The following OPCML variants were observed in gnomAD, a reference collection of about 807,000 sequenced individuals.
The protein encoded by OPCML is opioid-binding protein/cell adhesion molecule.
A neutral mutation model predicts 37.8 loss-of-function variants in OPCML; 13 were observed. The observed-to-expected ratio is 0.34, with a 90% CI of 0.22 to 0.55. OPCML has a LOEUF of 0.55. Ranked by LOEUF, OPCML falls within the 20% of genes least tolerant of loss-of-function variation. OPCML has a pLI of 0.91. For missense variants in OPCML, 341 were observed against 435.6 expected, an observed-to-expected ratio of 0.78 and a Z score of 1.93; for synonymous variants, 176 against 168.8, an observed-to-expected ratio of 1.04 and a Z score of -0.33.
intron 2 of OPCML, among the ~76,000 whole-genome samples, chr11:132,710,916 G>A (rs1179944795): frequency 6.6e-6 from 1 of 152,046 alleles, no homozygotes; most frequent in Non-Finnish European, 1.5e-5. Context: ...AGAGATGAGA[G>A]AGGGTAAGGG....
intron 1 of OPCML, among the ~76,000 whole-genome samples, chr11:133,259,213 T>C (rs1326974772): frequency 3.9e-5 from 6 of 152,212 alleles, no homozygotes; most frequent in African/African-American, 1.4e-4. Flanking sequence ...TTGTTTTGTT[T>C]TTATAAATAA....
chr11:133,241,381 T>A (rs1307146178), intron 1 of OPCML, among the ~76,000 whole-genome samples: 4 of 152,188 alleles, frequency 2.6e-5, no homozygotes, highest in African/African-American at 9.7e-5. Flanking sequence ...ATTCCTAAGA[T>A]CCTTCACACA....
chr11:133,450,966 G>GC (rs1351642357), intron 1 of OPCML, among the ~76,000 whole-genome samples: 1 of 151,664 alleles, frequency 6.6e-6, no homozygotes, highest in Non-Finnish European at 1.5e-5. Flanking sequence ...TAAAGTATAT[G>GC]CATTAAACAT....
chr11:133,419,431 C>T (rs529113534), intron 1 of OPCML: 3 of 625,740 alleles, frequency 4.8e-6, no homozygotes, highest in African/African-American at 4.0e-5. Flanking sequence ...TTACTAAATA[C>T]AACCACTAAT....
At chr11:132,560,684 A>T (rs185897706) in intron 3 of OPCML, among the ~76,000 whole-genome samples, 214 of 152,274 alleles carry the variant, frequency 1.4e-3, no homozygotes, top group African/African-American at 5.0e-3. Flanking sequence ...ATCGTTAGTG[A>T]CGTGGAGCAT....
At chr11:133,466,720 A>G (rs980660482) in intron 1 of OPCML, among the ~76,000 whole-genome samples, 6 of 152,244 alleles carry the variant, frequency 3.9e-5, no homozygotes, top group Non-Finnish European at 7.3e-5. Context: ...ATAAATTTCA[A>G]TGATAATATA....
intron 4 of OPCML, among the ~76,000 whole-genome samples, chr11:132,465,137 G>A (rs1386527097): frequency 9.9e-5 from 15 of 152,022 alleles, no homozygotes; most frequent in Admixed American, 9.8e-4. Flanking sequence ...GCTCCCCCTT[G>A]TGACAGGCAT....
intron 4 of OPCML, among the ~76,000 whole-genome samples, chr11:132,501,740 G>A (rs535985533): frequency 6.6e-6 from 1 of 152,286 alleles, no homozygotes; most frequent in Middle Eastern, 3.4e-3. Context: ...AATAGGTAAC[G>A]TGTTTCATGA....
intron 4 of OPCML, among the ~76,000 whole-genome samples, chr11:132,517,893 G>A (rs2096283612): frequency 6.6e-6 from 1 of 151,646 alleles, no homozygotes; most frequent in African/African-American, 2.4e-5. Context: ...TTCTAGGTGG[G>A]GAAATAGACA....
At chr11:133,415,838 G>A (rs954601517) in intron 1 of OPCML, among the ~76,000 whole-genome samples, 61 of 152,152 alleles carry the variant, frequency 4.0e-4, no homozygotes, top group African/African-American at 1.2e-3. Flanking sequence ...CCCGTGATAC[G>A]GAAGTCCATA....
chr11:133,498,409 AG>A (rs1947830983), intron 1 of OPCML, among the ~76,000 whole-genome samples: 1 of 152,228 alleles, frequency 6.6e-6, no homozygotes, highest in African/African-American at 2.4e-5. Context: ...AGGCAGTGAA[AG>A]GACACAGACG....
chr11:132,678,993 T>C (rs1037719747), intron 2 of OPCML, among the ~76,000 whole-genome samples: 2 of 152,136 alleles, frequency 1.3e-5, no homozygotes, highest in Admixed American at 1.3e-4. Flanking sequence ...GTGGGGACTC[T>C]GTATATTTCT....
At chr11:132,759,962 G>A (rs1488609072) in intron 2 of OPCML, among the ~76,000 whole-genome samples, 1 of 152,174 alleles carries the variant, frequency 6.6e-6, no homozygotes, top group East Asian at 1.9e-4. Flanking sequence ...TCTAAACACT[G>A]CTTTAGCTGT....
intron 3 of OPCML, among the ~76,000 whole-genome samples, chr11:132,597,544 AC>A (rs1177296097): frequency 6.6e-6 from 1 of 152,180 alleles, no homozygotes; most frequent in Non-Finnish European, 1.5e-5. Context: ...TTCAGTCAGG[AC>A]TTCGATCTCC....
intron 1 of OPCML, among the ~76,000 whole-genome samples, chr11:133,530,054 T>A (rs576844959): frequency 2.0e-4 from 30 of 152,242 alleles, no homozygotes; most frequent in Admixed American, 6.5e-4. Context: ...CATGTTGCAG[T>A]GATGTCCACA....
At chr11:132,837,447 C>T (rs1941081652) in intron 2 of OPCML, among the ~76,000 whole-genome samples, 1 of 152,156 alleles carries the variant, frequency 6.6e-6, no homozygotes, top group African/African-American at 2.4e-5. Context: ...TTCCATCTAG[C>T]CACTGGTTTA....
In OPCML at chr11:133,532,331, G is replaced by A. The variant is rs368973459; in HGVS notation, c.-7C>T. The stretch of plus-strand genomic sequence containing the variant: ...AGTAGGCAGGATGGTACATCTCGAC[G>A]CTGCGGTGCTCTCAGCTGCCGGGCT... On this transcript the variant is annotated 5_prime_UTR_variant, in exon 1 of 8. Coordinates refer to ENST00000524381, the MANE Select transcript of OPCML (RefSeq NM_001012393.5). The A allele has an allele frequency of 6.2e-7, 1 of 1,612,850 alleles. No homozygotes were observed. The highest frequency in any genetic ancestry group is 8.5e-7 in the Non-Finnish European group (1 of 1,179,504).
At chr11:132,820,022 C>T (rs1250056943) in intron 2 of OPCML, among the ~76,000 whole-genome samples, 2 of 151,950 alleles carry the variant, frequency 1.3e-5, no homozygotes, top group East Asian at 1.9e-4. Flanking sequence ...ACTCTGGAAA[C>T]GTCAGAGGGT....
chr11:133,035,868 C>T (rs10894639), intron 1 of OPCML, among the ~76,000 whole-genome samples: 58,296 of 151,822 alleles, frequency 0.38, 11,447 homozygotes, highest in African/African-American at 0.42. Context: ...ACACCATGGG[C>T]GCAGCGGCAC....
Sources: allele counts gnomAD v4.1 joint callset (sites outside exome capture counted in the v4.1 genomes callset), GRCh38; gene constraint gnomAD v4.1.1; transcripts MANE v1.5; gene names NCBI Gene and HGNC (gene_info 2026-07-23, HGNC 2026-07-21).